MAP2K6: variants seen among roughly 807,000 people sequenced by gnomAD.
The protein encoded by MAP2K6 is dual specificity mitogen-activated protein kinase kinase 6.
In MAP2K6, 16 loss-of-function variants were observed where a neutral mutation model predicts 53.7. The observed-to-expected ratio is 0.30, with a 90% CI of 0.20 to 0.45. MAP2K6 has a LOEUF of 0.45. MAP2K6 is among the 20% of genes least tolerant of loss of function. The probability of loss-of-function intolerance (pLI) is 1.00; values close to 1 mark genes in which losing one functional copy is unlikely to be tolerated. For missense variants in MAP2K6, 204 were observed against 411.9 expected (o/e 0.50, Z 4.37); for synonymous variants, 132 against 143.1 (o/e 0.92, Z 0.55).
At chr17:69,539,068 A>C (rs1453353044) in intron 11 of MAP2K6, among the ~76,000 whole-genome samples, 1 of 152,232 alleles carries the variant, frequency 6.6e-6, no homozygotes, top group Non-Finnish European at 1.5e-5. Flanking sequence ...AAAGATAACC[A>C]GTTCATTCAA....
chr17:69,451,498 A>G (rs892876528), intron 1 of MAP2K6, among the ~76,000 whole-genome samples: 7 of 152,192 alleles, frequency 4.6e-5, no homozygotes, highest in African/African-American at 1.7e-4. Flanking sequence ...TGTAATCTAG[A>G]AAGACAGCTC....
At chr17:69,464,809 G>A (rs1379315270) in intron 1 of MAP2K6, among the ~76,000 whole-genome samples, 2 of 151,650 alleles carry the variant, frequency 1.3e-5, no homozygotes, top group Non-Finnish European at 2.9e-5. Flanking sequence ...TCTGTCTCCC[G>A]GGTTCAAGCA....
chr17:69,490,184 T>C (rs1178405010), intron 1 of MAP2K6, among the ~76,000 whole-genome samples: 2 of 152,186 alleles, frequency 1.3e-5, no homozygotes, highest in African/African-American at 2.4e-5. Context: ...TTCCTTATGC[T>C]TTTTCCTCCA....
intron 1 of MAP2K6, among the ~76,000 whole-genome samples, chr17:69,498,650 CCACACA>C (rs3222089): frequency 0.071 from 10,274 of 145,454 alleles, 452 homozygotes; most frequent in Middle Eastern, 0.12. Flanking sequence ...CACCTGGAAG[CCACACA>C]CACACACACA....
Position 69,494,516 on chromosome 17 carries a change from A to T in MAP2K6, c.17-11264A>T, listed in dbSNP as rs749276568. Among the ~76,000 whole-genome samples the T allele has an allele frequency of 6.6e-6, 1 of 151,600 alleles. No homozygotes were observed. Among genetic ancestry groups the T allele is most frequent in the African/African-American group, 2.4e-5 (1 of 41,258 alleles). On this transcript the variant is annotated intron_variant, in intron 1 of 11. Transcript: ENST00000590474. The surrounding 1 kb of genome is among the most constrained non-coding windows in gnomAD (Gnocchi z 4.2). ...CTGTCTTTAAAAAAAAAAAGAAAGG[A>T]AAAAACAAAATGAATGGAGAGCCCC...
chr17:69,441,509 A>G (rs1906819060), intron 1 of MAP2K6, among the ~76,000 whole-genome samples: 1 of 152,124 alleles, frequency 6.6e-6, no homozygotes, highest in Non-Finnish European at 1.5e-5. Flanking sequence ...TTCTTTGCTG[A>G]GATGTCCTCT....
At chr17:69,491,032 C>T (rs1161443154) in intron 1 of MAP2K6, among the ~76,000 whole-genome samples, 1 of 152,164 alleles carries the variant, frequency 6.6e-6, no homozygotes, top group African/African-American at 2.4e-5. Flanking sequence ...CACCCATATT[C>T]CTGCAAAGGA....
At position 69,544,848 on chromosome 17, in the gene MAP2K6, T is replaced by G. The variant is rs1911816684; in HGVS notation, c.*3095T>G. On this transcript the variant is annotated 3_prime_UTR_variant, in exon 12 of 12. Coordinates refer to ENST00000590474, the MANE Select transcript of MAP2K6 (RefSeq NM_002758.4). ...ATTTATATTCATAATGCTATTAAAT[T>G]ATTTTTGCCACTCCTCTTTCAGAAA... 1 of 152,220 alleles carries G rather than the reference T, an allele frequency of 6.6e-6. No homozygotes were observed. Among genetic ancestry groups the G allele is most frequent in the African/African-American group, 2.4e-5 (1 of 41,442 alleles). The allele number at this position is 152,220 out of a possible 1,614,324, so 9.4% of individuals were successfully genotyped here.
chr17:69,464,952 G>T (rs968414600), intron 1 of MAP2K6, among the ~76,000 whole-genome samples: 1 of 152,078 alleles, frequency 6.6e-6, no homozygotes, highest in African/African-American at 2.4e-5. Flanking sequence ...CTGACCTTGT[G>T]ATCCCTCCGC....
intron 1 of MAP2K6, chr17:69,435,209 C>T (rs1216199582): frequency 6.6e-6 from 1 of 151,986 alleles, no homozygotes; most frequent in African/African-American, 2.4e-5. Context: ...AAAAGATAAA[C>T]AATGGAGATA....
intron 1 of MAP2K6, among the ~76,000 whole-genome samples, chr17:69,487,578 C>G (rs538119615): frequency 6.6e-6 from 1 of 152,302 alleles, no homozygotes; most frequent in South Asian, 2.1e-4. Context: ...TCCTTTAATG[C>G]CACCAAGGTA....
In MAP2K6 at chr17:69,494,628, C is replaced by G. The variant is rs1908873245; in HGVS notation, c.17-11152C>G. Among the ~76,000 whole-genome samples, 1 of 152,104 alleles carries G rather than the reference C, an allele frequency of 6.6e-6. No homozygotes were observed. Among genetic ancestry groups the G allele is most frequent in the South Asian group, 2.1e-4 (1 of 4,820 alleles). On this transcript the variant is annotated intron_variant, in intron 1 of 11. Transcript: ENST00000590474. The surrounding 1 kb of genome is among the most constrained non-coding windows in gnomAD (Gnocchi z 4.2). ...AGAACGTTCCTTTGTTTCTTTATTA[C>G]CCCCTTAGTCTTCAAGCAGCTGGTT...
chr17:69,470,548 G>A (rs1204369034), intron 1 of MAP2K6, among the ~76,000 whole-genome samples: 1 of 152,214 alleles, frequency 6.6e-6, no homozygotes, highest in Non-Finnish European at 1.5e-5. Flanking sequence ...ATGCCCCCTT[G>A]TGTATAGAAG....
intron 1 of MAP2K6, chr17:69,433,816 C>G (rs972030606): frequency 6.6e-6 from 1 of 152,022 alleles, no homozygotes; most frequent in Non-Finnish European, 1.5e-5. Flanking sequence ...TGAAATGACA[C>G]GAGTATCTAG....
intron 1 of MAP2K6, among the ~76,000 whole-genome samples, chr17:69,491,761 T>A (rs1265075228): frequency 6.0e-5 from 9 of 151,072 alleles, no homozygotes; most frequent in South Asian, 2.1e-4. Context: ...ATTATTCACT[T>A]TTGAATAATA....
At position 69,414,885 on chromosome 17, in the gene MAP2K6, T is replaced by G; in HGVS notation, c.-100T>G. ...AGAGAAACTCCACTTGCATGAAGAT[T>G]GCACGCCTGCAGCTTGCATCTTTGT... On this transcript the variant is annotated 5_prime_UTR_variant, in exon 1 of 12. The change creates a new upstream start codon in the 5' untranslated region. Transcript: ENST00000590474. The G allele has an allele frequency of 9.2e-7, 1 of 1,085,108 alleles. No individual in the cohort carries two copies. Among genetic ancestry groups the G allele is most frequent in the Non-Finnish European group, 1.4e-6 (1 of 716,120 alleles). The allele number at this position is 1,085,108 out of a possible 1,614,324, so 67.2% of individuals were successfully genotyped here.
At position 69,549,160 on chromosome 17, in the gene MAP2K6, T is replaced by G. The variant is rs186876755; in HGVS notation, c.*7407T>G. ...AGTTTACAGTTAAATTTTGGAAGAA[T>G]TGTGTTGTATTTCTTTCTTAGATGT... On this transcript the variant is annotated 3_prime_UTR_variant, in exon 12 of 12. Coordinates refer to ENST00000590474, the MANE Select transcript of MAP2K6 (RefSeq NM_002758.4). 1 of 152,314 alleles carries G rather than the reference T, an allele frequency of 6.6e-6. No individual in the cohort carries two copies. The highest frequency in any genetic ancestry group is 1.9e-4 in the East Asian group (1 of 5,192). 9.4% of individuals were successfully genotyped at this position (152,314 alleles called of 1,614,324 possible).
intron 1 of MAP2K6, among the ~76,000 whole-genome samples, chr17:69,418,820 T>C: frequency 6.6e-6 from 1 of 152,168 alleles, no homozygotes; most frequent in East Asian, 1.9e-4. Flanking sequence ...GAATGTCCAG[T>C]TCTTCTTCAC....
At chr17:69,416,190 T>G (rs1402458504) in intron 1 of MAP2K6, among the ~76,000 whole-genome samples, 3 of 152,156 alleles carry the variant, frequency 2.0e-5, no homozygotes, top group Non-Finnish European at 4.4e-5. Context: ...TTTGCTACTT[T>G]TTTGGGAGGG....
Sources: gnomAD v4.1 joint callset for allele counts (sites outside exome capture counted in the v4.1 genomes callset) on GRCh38, gnomAD v4.1.1 for gene constraint, Gnocchi (gnomAD v3.1) non-coding constraint, MANE v1.5 for transcripts, NCBI Gene and HGNC (gene_info 2026-07-23, HGNC 2026-07-21) for gene names.